NBAS: variants seen among roughly 807,000 people sequenced by gnomAD.
The protein encoded by NBAS is NAG/BC035112 fusion.
Under a neutral mutation model 302.5 loss-of-function variants are expected in NBAS, and 219 were observed. The ratio of observed to expected loss-of-function variants is 0.72; its 90% CI spans 0.65 to 0.81. The LOEUF (loss-of-function observed/expected upper bound fraction) is 0.81, where lower values mean the gene tolerates loss of function less well. NBAS is among the 30% of genes least tolerant of loss of function. The probability of loss-of-function intolerance (pLI) is 0.00; values close to 1 mark genes in which losing one functional copy is unlikely to be tolerated. For synonymous variants in NBAS, 1,118 were observed against 1,021.6 expected (o/e 1.09, Z -1.80); for missense variants, 2,932 against 2,841.6 (o/e 1.03, Z -0.72).
intron 5 of NBAS, among the ~76,000 whole-genome samples, chr2:15,553,188 T>G (rs373918055): frequency 1.3e-5 from 2 of 152,118 alleles, no homozygotes; most frequent in African/African-American, 4.8e-5. Context: ...ACTGAGAAAG[T>G]AAAACTTCTT....
the NBAS span, among the ~76,000 whole-genome samples, chr2:15,130,376 A>T: frequency 6.6e-6 from 1 of 152,162 alleles, no homozygotes; most frequent in East Asian, 1.9e-4. Flanking sequence ...ACTATTGTCA[A>T]TGAACATTTA....
intron 10 of NBAS, among the ~76,000 whole-genome samples, chr2:15,505,551 G>A (rs1160902083): frequency 1.3e-5 from 2 of 152,056 alleles, no homozygotes; most frequent in African/African-American, 4.8e-5. Flanking sequence ...GAGGATCCAC[G>A]CCCCCTCCTG....
chr2:15,228,606 T>A (rs567903028), intron 47 of NBAS, among the ~76,000 whole-genome samples: 1 of 152,298 alleles, frequency 6.6e-6, no homozygotes, highest in East Asian at 1.9e-4. Flanking sequence ...ATCTAAAGAT[T>A]AATGGGTGAA....
chr2:14,998,697 T>C, the NBAS span, among the ~76,000 whole-genome samples: 2 of 152,192 alleles, frequency 1.3e-5, no homozygotes, highest in East Asian at 1.9e-4. Flanking sequence ...CAAATGCATA[T>C]GTTAAATGTG....
chr2:15,319,574 G>T (rs561995555), intron 38 of NBAS, among the ~76,000 whole-genome samples: 2 of 151,986 alleles, frequency 1.3e-5, no homozygotes, highest in Non-Finnish European at 2.9e-5. Context: ...TATCACCACC[G>T]ATCCCACAGA....
chr2:15,019,782 G>T, the NBAS span, among the ~76,000 whole-genome samples: 1 of 150,426 alleles, frequency 6.6e-6, no homozygotes, highest in Non-Finnish European at 1.5e-5. Context: ...GAACTAGCAG[G>T]TTCTCCTTCC....
At chr2:14,786,223 T>C in the NBAS span, among the ~76,000 whole-genome samples, 58 of 152,258 alleles carry the variant, frequency 3.8e-4, no homozygotes, top group African/African-American at 1.4e-3. Flanking sequence ...TTCTTCTTTA[T>C]TAGTCTTGCT....
chr2:14,867,238 C>A, the NBAS span, among the ~76,000 whole-genome samples: 2 of 152,186 alleles, frequency 1.3e-5, no homozygotes, highest in Non-Finnish European at 2.9e-5. Flanking sequence ...TGAGCCATAG[C>A]AGTTTTCTAA....
At chr2:15,109,098 G>A in the NBAS span, among the ~76,000 whole-genome samples, 10,083 of 152,148 alleles carry the variant, frequency 0.066, 452 homozygotes, top group Non-Finnish European at 0.099. Context: ...AGAAATAGAG[G>A]TTGTTAAAAT....
intron 38 of NBAS, among the ~76,000 whole-genome samples, chr2:15,316,582 T>C (rs905951732): frequency 1.3e-4 from 20 of 152,254 alleles, no homozygotes; most frequent in Non-Finnish European, 1.9e-4. Context: ...CTCACCTGCC[T>C]GGCTCGGCGG....
At chr2:15,222,675 TAAAAAAG>T (rs1666996548) in intron 47 of NBAS, among the ~76,000 whole-genome samples, 1 of 152,154 alleles carries the variant, frequency 6.6e-6, no homozygotes, top group African/African-American at 2.4e-5. Flanking sequence ...ATTAAAATTT[TAAAAAAG>T]ATAAAAATAA....
chr2:15,179,253 G>A, intron 50 of NBAS, 137 bp from the exon 51 acceptor site: 1 of 1,302,258 alleles, frequency 7.7e-7, no homozygotes, highest in Non-Finnish European at 1.1e-6. Context: ...TACCGCACTG[G>A]ATATACTGAA....
At chr2:15,271,591 A>C (rs1558491969) in intron 44 of NBAS, among the ~76,000 whole-genome samples, 2 of 152,184 alleles carry the variant, frequency 1.3e-5, no homozygotes, top group Non-Finnish European at 2.9e-5. Context: ...GGAATTTTTA[A>C]AGAAGGATCC....
At chr2:14,787,104 T>C in the NBAS span, among the ~76,000 whole-genome samples, 1 of 152,204 alleles carries the variant, frequency 6.6e-6, no homozygotes, top group Non-Finnish European at 1.5e-5. Context: ...TTGATCTTTG[T>C]TGGTTTAAAG....
chr2:15,134,056 TTCTC>T, the NBAS span, among the ~76,000 whole-genome samples: 1,567 of 145,770 alleles, frequency 0.011, 33 homozygotes, highest in African/African-American at 0.036. Context: ...GAACATTTCT[TTCTC>T]TCTCTCTCTC....
chr2:14,881,546 A>G, the NBAS span, among the ~76,000 whole-genome samples: 70 of 152,316 alleles, frequency 4.6e-4, 1 homozygote, highest in African/African-American at 1.7e-3. Flanking sequence ...GAATCCAGGA[A>G]TCTACATGCA....
chr2:14,810,287 A>G, the NBAS span, among the ~76,000 whole-genome samples: 2 of 152,162 alleles, frequency 1.3e-5, no homozygotes, highest in African/African-American at 4.8e-5. Flanking sequence ...CCCAAATCTC[A>G]TCTTGAATTC....
At chr2:15,257,946 C>T (rs893907952) in intron 44 of NBAS, among the ~76,000 whole-genome samples, 2 of 152,112 alleles carry the variant, frequency 1.3e-5, no homozygotes, top group Admixed American at 6.6e-5. Context: ...TCCAAGAGCA[C>T]ATAAACTAGT....
At chr2:15,436,928 G>T (rs1057508781) in intron 21 of NBAS, among the ~76,000 whole-genome samples, 1 of 152,156 alleles carries the variant, frequency 6.6e-6, no homozygotes, top group East Asian at 1.9e-4. Flanking sequence ...AGGATGGACA[G>T]ACTGAAGGAA....
Sources: gnomAD v4.1 joint callset for allele counts (sites outside exome capture counted in the v4.1 genomes callset) on GRCh38, gnomAD v4.1.1 for gene constraint, MANE v1.5 for transcripts, NCBI Gene and HGNC (gene_info 2026-07-23, HGNC 2026-07-21) for gene names.